The following JADE2 variants were observed in gnomAD, a reference collection of about 807,000 sequenced individuals.
JADE2 encodes E3 ubiquitin-protein ligase Jade-2.
A neutral mutation model predicts 85.7 loss-of-function variants in JADE2; 13 were observed. That is an observed-to-expected ratio of 0.15 (90% CI 0.10 to 0.24). The LOEUF (loss-of-function observed/expected upper bound fraction) is 0.24, where lower values mean the gene tolerates loss of function less well. Ranked by LOEUF, JADE2 falls within the 10% of genes least tolerant of loss-of-function variation. The pLI, the probability that JADE2 is intolerant of heterozygous loss-of-function variation, is 1.00. For missense variants in JADE2, 846 were observed against 1,115.9 expected (o/e 0.76, Z 3.45); for synonymous variants, 440 against 456.1 (o/e 0.96, Z 0.45).
intron 4 of JADE2, among the ~76,000 whole-genome samples, chr5:134,554,687 G>A (rs1218428444): frequency 6.6e-6 from 1 of 152,124 alleles, no homozygotes; most frequent in East Asian, 1.9e-4. Flanking sequence ...GATCTTTGGA[G>A]AGGATGGACT....
In JADE2 at chr5:134,576,763, C is replaced by T. The variant is rs1764392183; in HGVS notation, c.1553-5C>T. 1 of 1,550,484 alleles carries T rather than the reference C, an allele frequency of 6.4e-7. No individual in the cohort carries two copies. Among genetic ancestry groups the T allele is most frequent in the Non-Finnish European group, 8.7e-7 (1 of 1,146,980 alleles). On this transcript the variant is annotated splice_polypyrimidine_tract_variant and splice_region_variant and intron_variant, in intron 10 of 11. Coordinates refer to ENST00000681547, the MANE Select transcript of JADE2 (RefSeq NM_001388185.1). ...TCCCTCCTCCTCTCACTTTCCCTGA[C>T]ACAGAGCGGTCTGGGAGGAGAGCAA...
chr5:134,535,177 G>C (rs565373119), intron 1 of JADE2, among the ~76,000 whole-genome samples: 71 of 152,304 alleles, frequency 4.7e-4, no homozygotes, highest in Non-Finnish European at 8.8e-4. Context: ...TTAATACCTT[G>C]AAGTTAGATG....
At chr5:134,571,436 C>T (rs758601946) in intron 9 of JADE2, among the ~76,000 whole-genome samples, 9 of 152,208 alleles carry the variant, frequency 5.9e-5, no homozygotes, top group East Asian at 1.9e-4. Flanking sequence ...CGGTGGCTCA[C>T]GCCTGTAATC....
intron 3 of JADE2, among the ~76,000 whole-genome samples, chr5:134,547,179 G>A (rs1395963906): frequency 6.6e-6 from 1 of 152,186 alleles, no homozygotes; most frequent in Non-Finnish European, 1.5e-5. Flanking sequence ...AAGACGTGAA[G>A]GCAAGGCCAT....
At chr5:134,542,435 CTT>C (rs10568722) in intron 3 of JADE2, among the ~76,000 whole-genome samples, 3,679 of 93,398 alleles carry the variant, frequency 0.039, 70 homozygotes, top group South Asian at 0.17. Flanking sequence ...GTACCTATAC[CTT>C]TTTTTTTTTT....
chr5:134,548,526 G>GC (rs1042962847), intron 3 of JADE2, among the ~76,000 whole-genome samples: 63 of 152,298 alleles, frequency 4.1e-4, no homozygotes, highest in African/African-American at 1.4e-3. Context: ...AGACAGTGCT[G>GC]CCCTCCCTGT....
At chr5:134,526,107 T>A in intron 1 of JADE2, 96 bp downstream of exon 1, 1 of 984,796 alleles carries the variant, frequency 1.0e-6, no homozygotes, top group African/African-American at 1.7e-5. Context: ...GCTCCCTCGC[T>A]CTCTCTTGCT....
At chr5:134,541,878 A>AG (rs546589717) in intron 3 of JADE2, among the ~76,000 whole-genome samples, 8 of 152,262 alleles carry the variant, frequency 5.3e-5, no homozygotes, top group Non-Finnish European at 1.0e-4. Context: ...TCAGGGCTGA[A>AG]GAAAGCACTT....
chr5:134,559,119 C>T (rs1376043826), intron 4 of JADE2, among the ~76,000 whole-genome samples: 1 of 152,204 alleles, frequency 6.6e-6, no homozygotes, highest in East Asian at 1.9e-4. Flanking sequence ...AGGACACTCA[C>T]TGCTCACATG....
intron 11 of JADE2, 162 bp downstream of exon 11, chr5:134,577,058 A>C: frequency 1.4e-6 from 1 of 726,884 alleles, no homozygotes; most frequent in Non-Finnish European, 2.2e-6. Context: ...CCTTCCACCC[A>C]CAAAGGAGAC....
Position 134,566,638 on chromosome 5 carries a change from T to C in JADE2, c.1434+58T>C. Reference sequence around the variant, plus strand: ...CTGGTGGGTCCAGGAGTCCTTTCCATGCCACACTCACTGCCCTGGAGCAGC... The same window carrying C: ...CTGGTGGGTCCAGGAGTCCTTTCCACGCCACACTCACTGCCCTGGAGCAGC... On this transcript the variant is annotated intron_variant, in intron 9 of 11. Transcript: ENST00000681547. This position sits in a 1 kb window ranked among gnomAD's most constrained non-coding sequence, Gnocchi z 6.7. 1 of 1,268,278 alleles carries C rather than the reference T, an allele frequency of 7.9e-7. No individual in the cohort carries two copies. Among genetic ancestry groups the C allele is most frequent in the Non-Finnish European group, 1.1e-6 (1 of 922,114 alleles). The allele number at this position is 1,268,278 out of a possible 1,614,324, so 78.6% of individuals were successfully genotyped here.
Position 134,581,196 on chromosome 5 carries a change from G to C in JADE2, c.*1879G>C, listed in dbSNP as rs1174199005. 1 of 152,566 alleles carries C rather than the reference G, an allele frequency of 6.6e-6. No homozygotes were observed. Among genetic ancestry groups the C allele is most frequent in the Non-Finnish European group, 1.5e-5 (1 of 68,054 alleles). 9.5% of individuals were successfully genotyped at this position (152,566 alleles called of 1,614,324 possible). ...AGTCCGGGTGGACTCGGAGGGAGTGGGGTGGGCTTCAAGGATTCTGGGCGT... is the reference window on the plus strand; with the variant it reads ...AGTCCGGGTGGACTCGGAGGGAGTGCGGTGGGCTTCAAGGATTCTGGGCGT... On this transcript the variant is annotated 3_prime_UTR_variant, in exon 12 of 12. Coordinates refer to ENST00000681547, the MANE Select transcript of JADE2 (RefSeq NM_001388185.1).
chr5:134,540,289 G>A (rs1761891234), intron 3 of JADE2, among the ~76,000 whole-genome samples: 1 of 151,892 alleles, frequency 6.6e-6, no homozygotes, highest in South Asian at 2.1e-4. Context: ...TGCAATCATG[G>A]CTCACTGCAG....
intron 9 of JADE2, among the ~76,000 whole-genome samples, chr5:134,569,226 G>T (rs908022107): frequency 6.6e-6 from 1 of 152,130 alleles, no homozygotes; most frequent in African/African-American, 2.4e-5. Flanking sequence ...AAGAAGGGAG[G>T]CCAGCCCGTG....
chr5:134,543,563 G>A (rs190437287), intron 3 of JADE2, among the ~76,000 whole-genome samples: 1 of 152,220 alleles, frequency 6.6e-6, no homozygotes, highest in Admixed American at 6.5e-5. Flanking sequence ...TGTAATCCCA[G>A]CTACTCAGGA....
chr5:134,573,806 C>T (rs1381423967), intron 10 of JADE2, 44 bp downstream of exon 10: 1 of 1,199,662 alleles, frequency 8.3e-7, no homozygotes, highest in South Asian at 1.2e-5. Context: ...CCTGTGCCCT[C>T]TCTTGCGGGG....
At chr5:134,526,634 C>A (rs942215677) in intron 1 of JADE2, 2 of 985,350 alleles carry the variant, frequency 2.0e-6, no homozygotes, top group Non-Finnish European at 2.4e-6. Flanking sequence ...TCCGCCCTGT[C>A]GCCCCCTCTC....
chr5:134,535,990 G>A (rs1581399175), intron 2 of JADE2, 75 bp downstream of exon 2: 3 of 1,279,786 alleles, frequency 2.3e-6, no homozygotes, highest in East Asian at 2.3e-5. Flanking sequence ...CAGATGGGAG[G>A]AGGCTGCCCT....
upstream of JADE2, chr5:134,525,650 G>T: frequency 1.8e-6 from 2 of 1,112,540 alleles, no homozygotes; most frequent in Non-Finnish European, 2.3e-6. Flanking sequence ...TCACAAGGAA[G>T]TCTTGGTTTA....
Sources: allele counts gnomAD v4.1 joint callset (sites outside exome capture counted in the v4.1 genomes callset), GRCh38; gene constraint gnomAD v4.1.1; non-coding constraint Gnocchi (gnomAD v3.1); transcripts MANE v1.5; gene names NCBI Gene and HGNC (gene_info 2026-07-23, HGNC 2026-07-21).